The following SERPINI2 variants were observed in gnomAD, a reference collection of about 807,000 sequenced individuals.
The protein encoded by SERPINI2 is serpin I2.
Under a neutral mutation model 47.3 loss-of-function variants are expected in SERPINI2, and 48 were observed. The ratio of observed to expected loss-of-function variants is 1.02; its 90% CI spans 0.81 to 1.29. The LOEUF is 1.29. Among genes scored for constraint, SERPINI2 ranks in the 50% most tolerant of loss-of-function variants. The probability of loss-of-function intolerance (pLI) is 0.00; values close to 1 mark genes in which losing one functional copy is unlikely to be tolerated. For missense variants in SERPINI2, 448 were observed against 456.9 expected (o/e 0.98, Z 0.18); for synonymous variants, 135 against 149.3 (o/e 0.90, Z 0.70).
intron 6 of SERPINI2, among the ~76,000 whole-genome samples, chr3:167,452,308 T>C (rs962834126): frequency 6.6e-6 from 1 of 152,182 alleles, no homozygotes; most frequent in Non-Finnish European, 1.5e-5. Context: ...TTTGAACTAG[T>C]GTGTACCACT....
intron 7 of SERPINI2, among the ~76,000 whole-genome samples, chr3:167,447,187 C>T (rs1296411099): frequency 1.3e-5 from 2 of 151,962 alleles, no homozygotes; most frequent in African/African-American, 4.8e-5. Flanking sequence ...TTATTTTGTA[C>T]TGTTATTTTC....
At chr3:167,458,443 T>TA (rs1553855548) in intron 5 of SERPINI2, among the ~76,000 whole-genome samples, 1 of 150,220 alleles carries the variant, frequency 6.7e-6, no homozygotes, top group Non-Finnish European at 1.5e-5. Context: ...TTTTTTTTTT[T>TA]AGTAGAGACG....
rs1750420856 is a variant in SERPINI2 at position 167,474,050 on chromosome 3, G to A, written c.-58C>T. The A allele has an allele frequency of 7.6e-6, 8 of 1,052,824 alleles. No individual in the cohort carries two copies. Among genetic ancestry groups the A allele is most frequent in the East Asian group, 6.7e-5 (1 of 14,832 alleles). 65.2% of individuals were successfully genotyped at this position (1,052,824 alleles called of 1,614,324 possible). A position where few individuals can be genotyped will look rare whatever the true frequency, so the allele number is the denominator to read the frequency against. On this transcript the variant is annotated 5_prime_UTR_variant, in exon 1 of 9. Transcript: ENST00000264677. ...CACTGGAATGTTACAACTAAAATACGCTTGCTGGAAAACTCTTGTACATAA... is the reference window on the plus strand; with the variant it reads ...CACTGGAATGTTACAACTAAAATACACTTGCTGGAAAACTCTTGTACATAA...
At chr3:167,459,902 ACAC>A (rs1158737763) in intron 5 of SERPINI2, among the ~76,000 whole-genome samples, 1 of 152,186 alleles carries the variant, frequency 6.6e-6, no homozygotes, top group East Asian at 1.9e-4. Flanking sequence ...AGATATGAGA[ACAC>A]CACACGAAGA....
chr3:167,458,875 A>G (rs6783674), intron 5 of SERPINI2, among the ~76,000 whole-genome samples: 4,746 of 152,268 alleles, frequency 0.031, 240 homozygotes, highest in African/African-American at 0.11. Context: ...TAAAATCACA[A>G]CATTTGCTAT....
At chr3:167,442,145 G>T in exon 9 of SERPINI2, 2 of 1,597,666 alleles carry the variant, frequency 1.3e-6, no homozygotes, top group African/African-American at 1.4e-5. Flanking sequence ...TTATCTCCTG[G>T]GTGTCAGGAT....
chr3:167,444,598 A>C (rs1174499797), intron 8 of SERPINI2, among the ~76,000 whole-genome samples: 1 of 152,176 alleles, frequency 6.6e-6, no homozygotes, highest in Non-Finnish European at 1.5e-5. Context: ...TAAATCACTA[A>C]ATATGTATTG....
chr3:167,475,729 G>GC (rs1346076806), upstream of SERPINI2, among the ~76,000 whole-genome samples: 2 of 147,818 alleles, frequency 1.4e-5, no homozygotes, highest in East Asian at 4.2e-4. Context: ...AAATCGGGGT[G>GC]GGGGGAGAAT....
At position 167,466,228 on chromosome 3, in the gene SERPINI2, A is replaced by T. The variant is rs185004661; in HGVS notation, c.479-555T>A. Among the ~76,000 whole-genome samples, 3 of 152,256 alleles carry T rather than the reference A, an allele frequency of 2.0e-5. No individual in the cohort carries two copies. The East Asian group carries it at 5.8e-4, about 29-fold the overall frequency. On this transcript the variant is annotated intron_variant, in intron 3 of 8. Coordinates refer to ENST00000264677, the Ensembl canonical transcript of SERPINI2. ...AAATAGGCATGACTGGGTGCCATGG[A>T]GCTGTCTAGTGATGTCCTCATTTCC...
At chr3:167,441,968 C>T (rs1749341450) in exon 9 of SERPINI2, 5 of 554,010 alleles carry the variant, frequency 9.0e-6, no homozygotes, top group Non-Finnish European at 1.5e-5. Flanking sequence ...ACTTATTCAT[C>T]AAGACAGATA....
chr3:167,465,480 A>G (rs1750105489), exon 4 of SERPINI2: 1 of 1,612,914 alleles, frequency 6.2e-7, no homozygotes, highest in Non-Finnish European at 8.5e-7. Context: ...TCACATTACC[A>G]TATTTTGTTC....
At chr3:167,471,884 G>C in intron 1 of SERPINI2, 40 bp from the exon 2 acceptor site, 1 of 1,514,472 alleles carries the variant, frequency 6.6e-7, no homozygotes. Flanking sequence ...TTTCAAAATA[G>C]AGTTTTCCAC....
intron 5 of SERPINI2, among the ~76,000 whole-genome samples, chr3:167,462,516 A>G (rs1256669405): frequency 6.6e-6 from 1 of 152,176 alleles, no homozygotes; most frequent in East Asian, 1.9e-4. Context: ...TTTAGATGAC[A>G]ACAGTCATGT....
At chr3:167,471,564 A>G in intron 2 of SERPINI2, 24 bp downstream of exon 2, 1 of 1,609,142 alleles carries the variant, frequency 6.2e-7, no homozygotes, top group Non-Finnish European at 8.5e-7. Context: ...ATCCAGTATA[A>G]GTAAGGAGAT....
intron 6 of SERPINI2, among the ~76,000 whole-genome samples, chr3:167,452,317 C>T (rs1432370658): frequency 6.6e-6 from 1 of 152,148 alleles, no homozygotes; most frequent in Admixed American, 6.5e-5. Context: ...GTGTGTACCA[C>T]TGAGACTCGA....
intron 5 of SERPINI2, among the ~76,000 whole-genome samples, chr3:167,462,479 A>C (rs1048885425): frequency 6.6e-6 from 1 of 151,648 alleles, no homozygotes; most frequent in Non-Finnish European, 1.5e-5. Context: ...TCTTCCCTCC[A>C]TGCATATCTC....
rs759705572 is a variant in SERPINI2, at chr3:167,442,073, A to G, written c.*36T>C. On this transcript the variant is annotated 3_prime_UTR_variant, in exon 9 of 9. Transcript: ENST00000264677. ...ATATTTTGCCAATCAGCTATTTTTG[A>G]GAAATCATCTTTTATTCTGAGGCTG... The G allele has an allele frequency of 2.0e-6, 3 of 1,514,124 alleles. No individual in the cohort carries two copies. In the Admixed American group the frequency reaches 6.1e-5, roughly 31 times the overall value. The allele number at this position is 1,514,124 out of a possible 1,614,324, so 93.8% of individuals were successfully genotyped here. A position where few individuals can be genotyped will look rare whatever the true frequency, so the allele number is the denominator to read the frequency against.
chr3:167,461,845 C>A (rs186671409), intron 5 of SERPINI2, among the ~76,000 whole-genome samples: 1 of 152,092 alleles, frequency 6.6e-6, no homozygotes, highest in Non-Finnish European at 1.5e-5. Flanking sequence ...GTCTTGAACT[C>A]CTGGGCTCAG....
chr3:167,461,207 T>C (rs982515017), intron 5 of SERPINI2, among the ~76,000 whole-genome samples: 1 of 152,066 alleles, frequency 6.6e-6, no homozygotes, highest in Non-Finnish European at 1.5e-5. Context: ...ACAATGTTTC[T>C]AGTTTGGTAT....
Sources: gnomAD v4.1 joint callset for allele counts (sites outside exome capture counted in the v4.1 genomes callset) on GRCh38, gnomAD v4.1.1 for gene constraint, MANE v1.5 for transcripts, NCBI Gene and HGNC (gene_info 2026-07-23, HGNC 2026-07-21) for gene names.